THEMIS: variants seen among roughly 807,000 people sequenced by gnomAD.
THEMIS encodes the protein thymocyte selection associated.
In THEMIS, 37 loss-of-function variants were observed where a neutral mutation model predicts 52.6. The observed-to-expected ratio is 0.70, with a 90% CI of 0.54 to 0.93. The LOEUF (loss-of-function observed/expected upper bound fraction) is 0.93. Among genes scored for constraint, THEMIS ranks in the 40% least tolerant of loss-of-function variants. THEMIS has a pLI of 0.00. For missense variants in THEMIS, 808 were observed against 763.1 expected, an observed-to-expected ratio of 1.06 and a Z score of -0.69; for synonymous variants, 292 against 272.7, an observed-to-expected ratio of 1.07 and a Z score of -0.70.
chr6:127,812,101 CT>C (rs1777927650), intron 4 of THEMIS, among the ~76,000 whole-genome samples: 1 of 152,182 alleles, frequency 6.6e-6, no homozygotes, highest in African/African-American at 2.4e-5. Context: ...GAATGCACTC[CT>C]TCCACACACC....
chr6:127,795,104 A>T (rs1777282987), intron 4 of THEMIS, among the ~76,000 whole-genome samples: 1 of 152,190 alleles, frequency 6.6e-6, no homozygotes, highest in South Asian at 2.1e-4. Flanking sequence ...GAAAGTTCCT[A>T]ATGCTCAAGG....
intron 4 of THEMIS, among the ~76,000 whole-genome samples, chr6:127,727,915 T>C (rs1177442745): frequency 6.6e-6 from 1 of 152,122 alleles, no homozygotes; most frequent in African/African-American, 2.4e-5. Flanking sequence ...CCTCCTCTAA[T>C]TCACAAGCTC....
chr6:127,877,455 G>A (rs899200331), intron 1 of THEMIS, among the ~76,000 whole-genome samples: 11 of 152,126 alleles, frequency 7.2e-5, no homozygotes, highest in African/African-American at 2.4e-4. Flanking sequence ...GAAAGTGAGA[G>A]AGTATGACTC....
chr6:127,826,867 T>C (rs1318845171), intron 3 of THEMIS, among the ~76,000 whole-genome samples: 1 of 152,066 alleles, frequency 6.6e-6, no homozygotes, highest in Non-Finnish European at 1.5e-5. Context: ...GTGATGAGGG[T>C]TGGGGGGTTC....
intron 4 of THEMIS, among the ~76,000 whole-genome samples, chr6:127,784,060 A>G (rs1314783719): frequency 6.6e-6 from 1 of 152,222 alleles, no homozygotes; most frequent in Non-Finnish European, 1.5e-5. Flanking sequence ...GCAGACATAC[A>G]AAAGGATGAG....
At chr6:127,767,604 T>G (rs1439789704) in intron 4 of THEMIS, among the ~76,000 whole-genome samples, 4 of 152,164 alleles carry the variant, frequency 2.6e-5, no homozygotes, top group Admixed American at 2.6e-4. Flanking sequence ...TCAACTCCTT[T>G]GGTAACAATG....
chr6:127,789,582 T>C (rs1777091518), intron 4 of THEMIS, among the ~76,000 whole-genome samples: 1 of 152,014 alleles, frequency 6.6e-6, no homozygotes, highest in Admixed American at 6.6e-5. Context: ...AAAAAGAAAA[T>C]TTCAGGCCAA....
intron 1 of THEMIS, among the ~76,000 whole-genome samples, chr6:127,914,177 G>A (rs1248446737): frequency 1.3e-5 from 2 of 152,088 alleles, no homozygotes; most frequent in Non-Finnish European, 2.9e-5. Context: ...TCAACATGAG[G>A]CTAGACTTGT....
chr6:127,842,031 A>G (rs1779065898), intron 2 of THEMIS, among the ~76,000 whole-genome samples: 1 of 152,030 alleles, frequency 6.6e-6, no homozygotes, highest in African/African-American at 2.4e-5. Context: ...TAACATCCAG[A>G]TGGAAAAACA....
intron 4 of THEMIS, among the ~76,000 whole-genome samples, chr6:127,784,178 T>C (rs1392658839): frequency 6.6e-5 from 10 of 151,582 alleles, no homozygotes; most frequent in South Asian, 6.3e-4. Context: ...TAAGTGGGAG[T>C]TGAACAATGA....
intron 4 of THEMIS, among the ~76,000 whole-genome samples, chr6:127,757,714 ACCTCGTGATTGGCCCGCCTCGG>A (rs1288330194): frequency 2.0e-5 from 3 of 152,044 alleles, no homozygotes; most frequent in Admixed American, 2.0e-4. Context: ...CGATCTCCTG[ACCTCGTGATTGGCCCGCCTCGG>A]CCTCCCAAAG....
intron 4 of THEMIS, among the ~76,000 whole-genome samples, chr6:127,741,195 C>T (rs1045241186): frequency 6.6e-6 from 1 of 152,166 alleles, no homozygotes; most frequent in Non-Finnish European, 1.5e-5. Context: ...AAGTTATAAA[C>T]CTATGCGTAA....
chr6:127,837,607 T>C (rs1325199066), intron 2 of THEMIS, among the ~76,000 whole-genome samples: 1 of 151,932 alleles, frequency 6.6e-6, no homozygotes, highest in Non-Finnish European at 1.5e-5. Context: ...GTGTGTAGTA[T>C]GTGTATATAT....
chr6:127,763,350 C>T (rs780861521), intron 4 of THEMIS, among the ~76,000 whole-genome samples: 2 of 151,894 alleles, frequency 1.3e-5, no homozygotes, highest in South Asian at 2.1e-4. Context: ...AATCAATATT[C>T]GTGTTGTGGC....
intron 4 of THEMIS, among the ~76,000 whole-genome samples, chr6:127,766,993 A>G (rs1776221481): frequency 6.6e-6 from 1 of 152,214 alleles, no homozygotes; most frequent in Non-Finnish European, 1.5e-5. Context: ...GCTTACCGTA[A>G]CTTTATTACT....
chr6:127,746,306 T>C (rs1775386253), intron 4 of THEMIS, among the ~76,000 whole-genome samples: 1 of 151,794 alleles, frequency 6.6e-6, no homozygotes, highest in Admixed American at 6.6e-5. Context: ...CTAGAAGCCA[T>C]ACCCTAAAAA....
At chr6:127,842,923 T>A (rs1002929800) in intron 2 of THEMIS, among the ~76,000 whole-genome samples, 1 of 151,940 alleles carries the variant, frequency 6.6e-6, no homozygotes, top group Admixed American at 6.6e-5. Context: ...GCTCACTGTC[T>A]CCTTAGTGAT....
chr6:127,813,659 G>A lies in THEMIS; in HGVS notation c.982C>T (p.Pro328Ser), dbSNP rs1451194273. Residue 328 changes from proline (P) to serine (S), a missense_variant, in exon 4 of 6, where the codon CCT (proline) becomes TCT (serine). Coordinates refer to ENST00000368248, the MANE Select transcript of THEMIS (RefSeq NM_001010923.3). ...GTGGGGATCAAGAAGTGTCTTTTAGGAAAATTGCTTCTAATTTCTGAAGCT... is the reference window on the plus strand; with the variant it reads ...GTGGGGATCAAGAAGTGTCTTTTAGAAAAATTGCTTCTAATTTCTGAAGCT... ...ILASEIRSNF[P>S]KRHFLIPTSY... is the part of the protein sequence containing the mutation. 7.4e-6 allele frequency: 12 copies of A among 1,614,088 alleles called. No individual in the cohort carries two copies. In the East Asian group the frequency reaches 2.7e-4, roughly 36 times the overall value.
intron 5 of THEMIS, 40 bp from the exon 6 acceptor site, chr6:127,710,056 T>C (rs1180877415): frequency 1.4e-6 from 2 of 1,425,364 alleles, no homozygotes; most frequent in Admixed American, 2.1e-5. Flanking sequence ...AAATAAGTAT[T>C]GAAAATAACC....
Sources: allele counts gnomAD v4.1 joint callset (sites outside exome capture counted in the v4.1 genomes callset), GRCh38; gene constraint gnomAD v4.1.1; transcripts MANE v1.5; gene names NCBI Gene and HGNC (gene_info 2026-07-23, HGNC 2026-07-21).